PIEZO1: variants seen among roughly 807,000 people sequenced by gnomAD.
The protein encoded by PIEZO1 is piezo-type mechanosensitive ion channel component 1.
PIEZO1 carries 296 observed loss-of-function variants against 297.2 expected under a neutral mutation model. The ratio of observed to expected loss-of-function variants is 1.00; its 90% CI spans 0.91 to 1.10. The LOEUF is 1.10. PIEZO1 is among the 50% of genes least tolerant of loss of function. The pLI is 0.00. For synonymous variants in PIEZO1, 2,427 were observed against 1,507.5 expected (o/e 1.61, Z -14.13); for missense variants, 5,018 against 3,455.5 (o/e 1.45, Z -11.34).
intron 1 of PIEZO1, among the ~76,000 whole-genome samples, chr16:88,784,596 G>A (rs1238222036): frequency 3.3e-5 from 5 of 151,466 alleles, no homozygotes; most frequent in African/African-American, 1.2e-4. Flanking sequence ...CCTCCTCTCC[G>A]CAGCGCCCCG....
intron 2 of PIEZO1, among the ~76,000 whole-genome samples, chr16:88,748,567 G>A (rs1266364809): frequency 1.3e-5 from 2 of 151,552 alleles, no homozygotes; most frequent in Non-Finnish European, 2.9e-5. Flanking sequence ...CGGTCCAGGC[G>A]GCTGGAACTC....
rs1844897437 is a variant in PIEZO1 at position 88,733,979 on chromosome 16, C to T, written c.2256G>A (p.Glu752=). The part of the protein sequence containing the change: ...QEHQQQQQEE[E]EEEEDSRDEG... ...CGTCCCTGGAGTCCTCCTCCTCCTC[C>T]TCCTCCTCCTGCTGCTGCTGCTGAT... The change falls in exon 17 of 51, where the codon GAG becomes GAA. Residue 752 remains glutamate (E), a synonymous_variant. Transcript: ENST00000301015. 2 of 1,547,676 alleles carry T rather than the reference C, an allele frequency of 1.3e-6. No homozygotes were observed. Among genetic ancestry groups the T allele is most frequent in the Non-Finnish European group, 1.7e-6 (2 of 1,145,066 alleles).
rs906829985 is a variant in PIEZO1 at position 88,717,321 on chromosome 16, G to A, written c.6472-110C>T. The stretch of plus-strand genomic sequence containing the variant: ...CCAGAAAAGCCCCAGCCTGACCTCA[G>A]TATGGCACAGCGGTAGTAATGGTGG... On this transcript the variant is annotated intron_variant, in intron 44 of 50. Transcript: ENST00000301015. The A allele has an allele frequency of 1.4e-5, 13 of 904,912 alleles. 1 individual carries two copies. In the South Asian group the frequency reaches 1.7e-4, roughly 12 times the overall value. The allele number at this position is 904,912 out of a possible 1,614,324, so 56.1% of individuals were successfully genotyped here. A position where few individuals can be genotyped will look rare whatever the true frequency, so the allele number is the denominator to read the frequency against.
chr16:88,752,978 G>A (rs1290106513), intron 1 of PIEZO1, among the ~76,000 whole-genome samples: 1 of 152,028 alleles, frequency 6.6e-6, no homozygotes, highest in African/African-American at 2.4e-5. Context: ...GTGGACAGTT[G>A]GACAGACAGC....
Position 88,727,118 on chromosome 16 carries a change from G to T in PIEZO1, c.3376C>A (p.Arg1126Ser). Residue 1126 changes from arginine to serine, a missense_variant, in exon 24 of 51, where the codon CGC (arginine) becomes AGC (serine). By Grantham distance (110) the Arg-to-Ser change is moderately radical. Coordinates refer to ENST00000301015, the MANE Select transcript of PIEZO1 (RefSeq NM_001142864.4). ...FSAERTEEWQ[R>S]MAGVNTDRLE... ...CGGTCGGTGTTGACGCCAGCCATGCGCTGCCACTCCTCTGTGCGCTCAGCT... is the reference window on the plus strand; with the variant it reads ...CGGTCGGTGTTGACGCCAGCCATGCTCTGCCACTCCTCTGTGCGCTCAGCT... The T allele has an allele frequency of 6.5e-7, 1 of 1,549,984 alleles. No homozygotes were observed. The highest frequency in any genetic ancestry group is 8.7e-7 in the Non-Finnish European group (1 of 1,146,732).
intron 2 of PIEZO1, chr16:88,745,511 G>C (rs1386493838): frequency 6.6e-6 from 1 of 152,236 alleles, no homozygotes; most frequent in East Asian, 1.9e-4. Flanking sequence ...GGGAGGCCGA[G>C]GTGGGTGGAT....
At chr16:88,767,198 A>G (rs1247818034) in intron 1 of PIEZO1, among the ~76,000 whole-genome samples, 2 of 152,130 alleles carry the variant, frequency 1.3e-5, no homozygotes, top group Non-Finnish European at 2.9e-5. Flanking sequence ...CGGTCTCATG[A>G]GTCTCGGGAC....
chr16:88,731,650 C>T (rs2142802795), intron 22 of PIEZO1, 56 bp downstream of exon 22: 4 of 1,394,332 alleles, frequency 2.9e-6, no homozygotes, highest in Non-Finnish European at 4.0e-6. Context: ...GAAACACCCC[C>T]ACGGGCATCC....
intron 1 of PIEZO1, among the ~76,000 whole-genome samples, chr16:88,764,832 C>A (rs1326747987): frequency 6.6e-6 from 1 of 152,196 alleles, no homozygotes; most frequent in Non-Finnish European, 1.5e-5. Flanking sequence ...CCGTGACCTC[C>A]CAAAACGAGG....
At chr16:88,736,981 G>A (rs552243212) in intron 10 of PIEZO1, 2 of 421,070 alleles carry the variant, frequency 4.7e-6, no homozygotes, top group Non-Finnish European at 8.5e-6. Flanking sequence ...GGGAAAGGTG[G>A]CCCTGACCCC....
chr16:88,722,865 C>A lies in PIEZO1; in HGVS notation c.4640G>T (p.Arg1547Leu), dbSNP rs866069095. ...CAGGAGCTCCTGTGTGAGGAGGTAG[C>A]GCTCTGCCCGCAGCACGTCGCTCAT... Reference protein sequence around the residue: ...GTMSDVLRAERYLLTQELLQG... With the variant: ...GTMSDVLRAELYLLTQELLQG... The change falls in exon 34 of 51, where the codon CGC becomes CTC. Residue 1547 changes from arginine (R) to leucine (L), a missense_variant. Physicochemically the swap from Arg to Leu is moderately radical, Grantham distance 102. Coordinates refer to ENST00000301015, the MANE Select transcript of PIEZO1 (RefSeq NM_001142864.4). 3 of 1,547,742 alleles carry A rather than the reference C, an allele frequency of 1.9e-6. No homozygotes were observed. The highest frequency in any genetic ancestry group is 2.6e-6 in the Non-Finnish European group (3 of 1,146,780).
chr16:88,726,109 T>C, intron 27 of PIEZO1, 175 bp downstream of exon 27: 1 of 610,026 alleles, frequency 1.6e-6, no homozygotes, highest in Non-Finnish European at 2.9e-6. Flanking sequence ...TGGGGCAGAG[T>C]GTGATGGTGC....
In PIEZO1 at chr16:88,721,744, C is replaced by T. The variant is rs1346338028; in HGVS notation, c.5215-18G>A. The stretch of plus-strand genomic sequence containing the variant: ...ACCGCGATCTGTGGGGGAGGGGGCT[C>T]AGCACGCGGGGAGGGTCACGGCGCG... On this transcript the variant is annotated intron_variant, in intron 37 of 50. Transcript: ENST00000301015. 14 of 1,536,014 alleles carry T rather than the reference C, an allele frequency of 9.1e-6. No individual in the cohort carries two copies. Among genetic ancestry groups the T allele is most frequent in the East Asian group, 2.5e-5 (1 of 40,660 alleles).
chr16:88,758,498 C>G (rs947635748), intron 1 of PIEZO1, among the ~76,000 whole-genome samples: 1 of 152,212 alleles, frequency 6.6e-6, no homozygotes, highest in Non-Finnish European at 1.5e-5. Context: ...TGCGTAACTG[C>G]TTCTCCCTGA....
chr16:88,783,424 G>C (rs1356257293), intron 1 of PIEZO1, among the ~76,000 whole-genome samples: 1 of 152,242 alleles, frequency 6.6e-6, no homozygotes, highest in Non-Finnish European at 1.5e-5. Context: ...CCAAGGAGCA[G>C]CTGCCATCTG....
Position 88,726,657 on chromosome 16 carries a change from G to T in PIEZO1, c.3700-14C>A. On this transcript the variant is annotated splice_polypyrimidine_tract_variant and intron_variant, in intron 25 of 50. Coordinates refer to ENST00000301015, the MANE Select transcript of PIEZO1 (RefSeq NM_001142864.4). ...GCAGGCCAGGAGCTGGGGGAGAGCA[G>T]GGTCAGCGGGGCCAGCGGGGCCCCA... 6.5e-7 allele frequency: 1 copy of T among 1,544,620 alleles called. No individual in the cohort carries two copies. The highest frequency in any genetic ancestry group is 8.7e-7 in the Non-Finnish European group (1 of 1,143,316).
In PIEZO1 at chr16:88,716,100, G is replaced by A. The variant is rs551265517; in HGVS notation, c.7149C>T (p.Leu2383=). 5.7e-4 allele frequency: 889 copies of A among 1,547,540 alleles called. 2 individuals carry two copies. Among genetic ancestry groups the A allele is most frequent in the Middle Eastern group, 6.7e-4 (4 of 5,982 alleles). Residue 2383 remains leucine (L), a synonymous_variant, in exon 50 of 51, where the codon CTC becomes CTT. Coordinates refer to ENST00000301015, the MANE Select transcript of PIEZO1 (RefSeq NM_001142864.4). ...QLQPNEEADY[L]GVRIQLRREQ... The stretch of plus-strand genomic sequence containing the variant: ...CCCTCCGCAGCTGGATACGCACGCC[G>A]AGGTAGTCGGCCTCCTCATCTGGGA...
At chr16:88,770,716 C>T (rs112896861) in intron 1 of PIEZO1, among the ~76,000 whole-genome samples, 3 of 152,222 alleles carry the variant, frequency 2.0e-5, no homozygotes, top group East Asian at 1.9e-4. Context: ...GCAGCCCAGC[C>T]GCACCAAGTC....
intron 5 of PIEZO1, chr16:88,741,254 G>C: frequency 2.0e-6 from 1 of 499,580 alleles, no homozygotes; most frequent in Non-Finnish European, 3.6e-6. Context: ...TCGGGGCGTG[G>C]AGGTTTCTGA....
Sources: allele counts gnomAD v4.1 joint callset (sites outside exome capture counted in the v4.1 genomes callset), GRCh38; gene constraint gnomAD v4.1.1; transcripts MANE v1.5; gene names NCBI Gene and HGNC (gene_info 2026-07-23, HGNC 2026-07-21).